Variants in ALDH1A3 observed in about 807,000 individuals in gnomAD.
ALDH1A3 encodes retinaldehyde dehydrogenase 3.
A neutral mutation model predicts 57.5 loss-of-function variants in ALDH1A3; 28 were observed. The observed-to-expected ratio is 0.49, with a 90% CI of 0.36 to 0.67. The LOEUF is 0.67. Ranked by LOEUF, ALDH1A3 falls within the 30% of genes least tolerant of loss-of-function variation. The pLI is 0.00. For missense variants in ALDH1A3, 507 were observed against 669.4 expected (o/e 0.76, Z 2.68); for synonymous variants, 281 against 264.8 (o/e 1.06, Z -0.59).
chr15:100,891,478 A>C lies in ALDH1A3; in HGVS notation c.346-1032A>C, dbSNP rs28490217. Among the ~76,000 whole-genome samples the C allele has an allele frequency of 1.5e-3, 230 of 152,356 alleles. 1 individual carries two copies. Among genetic ancestry groups the C allele is most frequent in the African/African-American group, 5.2e-3 (215 of 41,590 alleles). ...GCCAGTCGCTGTGCTGGCCAGAAGT[A>C]GATGCCCCCAATTCAGCTGCTGCAT... is the stretch of plus-strand genomic sequence containing the variant. On this transcript the variant is annotated intron_variant, in intron 3 of 12. Transcript: ENST00000329841.
In ALDH1A3 at chr15:100,905,787, T is replaced by G. The variant is rs894985893; in HGVS notation, c.1233+100T>G. 5 of 1,261,278 alleles carry G rather than the reference T, an allele frequency of 4.0e-6. No homozygotes were observed. In the Admixed American group the frequency reaches 8.4e-5, roughly 21 times the overall value. The allele number at this position is 1,261,278 out of a possible 1,614,324, so 78.1% of individuals were successfully genotyped here. ...CCCAGAAATCCTTGTGATCTGAGTG[T>G]TTTTTTGTTTTTGTTGCTGTTGTTG... On this transcript the variant is annotated intron_variant, in intron 10 of 12. Coordinates refer to ENST00000329841, the MANE Select transcript of ALDH1A3 (RefSeq NM_000693.4).
At position 100,892,981 on chromosome 15, in the gene ALDH1A3, T is replaced by C. The variant is rs763866352; in HGVS notation, c.512T>C (p.Ile171Thr). 1.9e-6 allele frequency: 3 copies of C among 1,614,030 alleles called. No individual in the cohort carries two copies. Among genetic ancestry groups the C allele is most frequent in the East Asian group, 2.2e-5 (1 of 44,898 alleles). Residue 171 changes from isoleucine to threonine, a missense_variant, in exon 5 of 13, where the codon ATT becomes ACT. Coordinates refer to ENST00000329841, the MANE Select transcript of ALDH1A3 (RefSeq NM_000693.4). ...GTGTGCTTCACCAGGCATGAGCCCA[T>C]TGGTGTCTGTGGGGCCATCACTCCA... ...NVVCFTRHEP[I>T]GVCGAITPWN...
At chr15:100,885,147 A>G in intron 1 of ALDH1A3, 120 bp from the exon 2 acceptor site, 1 of 699,432 alleles carries the variant, frequency 1.4e-6, no homozygotes, top group Non-Finnish European at 2.5e-6. Flanking sequence ...CGAAGGGGAG[A>G]GGGAAGCAGC....
At chr15:100,907,983 G>A (rs2041842505) in intron 11 of ALDH1A3, among the ~76,000 whole-genome samples, 2 of 151,092 alleles carry the variant, frequency 1.3e-5, no homozygotes, top group South Asian at 4.2e-4. Flanking sequence ...CCAGTAGCTG[G>A]GACTACAGGT....
At chr15:100,892,805 A>T in intron 4 of ALDH1A3, 140 bp from the exon 5 acceptor site, 1 of 1,316,466 alleles carries the variant, frequency 7.6e-7, no homozygotes, top group Admixed American at 2.4e-5. Context: ...TTTAAAGTTG[A>T]GGTCAAATCA....
intron 1 of ALDH1A3, among the ~76,000 whole-genome samples, chr15:100,884,260 C>T (rs185407534): frequency 1.2e-4 from 18 of 152,298 alleles, no homozygotes; most frequent in Admixed American, 7.2e-4. Flanking sequence ...TCCAAAAGCC[C>T]TCTCTTTTAA....
intron 1 of ALDH1A3, chr15:100,880,515 G>A: frequency 3.4e-6 from 1 of 293,150 alleles, no homozygotes; most frequent in Non-Finnish European, 6.3e-6. Context: ...GGTCCTCCGA[G>A]CAAAGCGCAG....
intron 12 of ALDH1A3, among the ~76,000 whole-genome samples, chr15:100,912,255 G>A (rs1006415410): frequency 2.0e-5 from 3 of 152,256 alleles, no homozygotes; most frequent in Admixed American, 1.3e-4. Flanking sequence ...TGAAAAATGG[G>A]CTCACCACTG....
At chr15:100,905,730 C>T (rs1180247629) in intron 10 of ALDH1A3, 43 bp downstream of exon 10, 4 of 1,492,452 alleles carry the variant, frequency 2.7e-6, no homozygotes, top group Non-Finnish European at 3.6e-6. Flanking sequence ...CGGGGCCTTT[C>T]AAACACGAGT....
chr15:100,890,115 A>G (rs2041635309), intron 3 of ALDH1A3, among the ~76,000 whole-genome samples: 1 of 151,836 alleles, frequency 6.6e-6, no homozygotes, highest in African/African-American at 2.4e-5. Context: ...TCATTTTGGG[A>G]GCTCCCAAAC....
At chr15:100,880,508 C>A (rs566827976) in intron 1 of ALDH1A3, 54 of 302,754 alleles carry the variant, frequency 1.8e-4, no homozygotes, top group Non-Finnish European at 2.4e-4. Context: ...GGAAGCGGGT[C>A]CTCCGAGCAA....
intron 2 of ALDH1A3, among the ~76,000 whole-genome samples, chr15:100,886,624 A>G (rs2041597184): frequency 6.6e-6 from 1 of 152,182 alleles, no homozygotes; most frequent in Non-Finnish European, 1.5e-5. Flanking sequence ...GTACCTTCCT[A>G]GAAAGAGAGA....
intron 12 of ALDH1A3, among the ~76,000 whole-genome samples, chr15:100,912,034 G>A (rs1392850633): frequency 6.6e-6 from 1 of 152,154 alleles, no homozygotes; most frequent in African/African-American, 2.4e-5. Flanking sequence ...AAATGAAATG[G>A]GAGCAAGCTA....
rs1039557539 is a variant in ALDH1A3, at chr15:100,894,082, G to A, written c.666G>A (p.Glu222=). 1 of 1,613,658 alleles carries A rather than the reference G, an allele frequency of 6.2e-7. No individual in the cohort carries two copies. ...TTTATCTCGGCTCTCTGATCAAAGA[G>A]GTGAGACATCCAAAAAGAAAATATC... ...TALYLGSLIK[E]AGFPPGVVNI... is the part of the protein sequence containing the mutation. Residue 222 remains glutamate (E), a splice_region_variant and synonymous_variant, in exon 6 of 13, where the codon GAG becomes GAA. Transcript: ENST00000329841. The surrounding 1 kb of genome is among the most constrained non-coding windows in gnomAD (Gnocchi z 4.5).
intron 3 of ALDH1A3, chr15:100,888,759 A>G (rs2041621009): frequency 6.6e-6 from 1 of 152,250 alleles, no homozygotes; most frequent in Non-Finnish European, 1.5e-5. Flanking sequence ...AATGTCACCG[A>G]TAATGATAAC....
intron 12 of ALDH1A3, among the ~76,000 whole-genome samples, chr15:100,909,371 A>G (rs2041859731): frequency 6.9e-6 from 1 of 144,096 alleles, no homozygotes; most frequent in Non-Finnish European, 1.5e-5. Flanking sequence ...GTGCATGTAA[A>G]CCCACTGCAA....
chr15:100,885,543 A>G (rs1214354026), intron 2 of ALDH1A3, among the ~76,000 whole-genome samples, 172 bp downstream of exon 2: 1 of 152,152 alleles, frequency 6.6e-6, no homozygotes, highest in Non-Finnish European at 1.5e-5. Flanking sequence ...AATGGCATCA[A>G]TTACCGATGA....
intron 7 of ALDH1A3, 108 bp from the exon 8 acceptor site, chr15:100,897,975 G>A (rs1432099542): frequency 1.0e-6 from 1 of 1,003,626 alleles, no homozygotes; most frequent in Non-Finnish European, 1.5e-6. Context: ...CCGAGAGCCA[G>A]GTGGTGGCAC....
Position 100,887,548 on chromosome 15 carries a change from C to A in ALDH1A3, c.205-24C>A. 2 of 1,535,738 alleles carry A rather than the reference C, an allele frequency of 1.3e-6. No individual in the cohort carries two copies. The highest frequency in any genetic ancestry group is 1.8e-6 in the Non-Finnish European group (2 of 1,136,856). ...CAGTCACGTCAAAAGATGACAGTCTCTCTCTGTTGTTCTGGTCGCTCAGCC... is the reference window on the plus strand; with the variant it reads ...CAGTCACGTCAAAAGATGACAGTCTATCTCTGTTGTTCTGGTCGCTCAGCC... On this transcript the variant is annotated intron_variant, in intron 2 of 12. Transcript: ENST00000329841. The surrounding 1 kb of genome is among the most constrained non-coding windows in gnomAD (Gnocchi z 4.6).
Sources: allele counts gnomAD v4.1 joint callset (sites outside exome capture counted in the v4.1 genomes callset), GRCh38; gene constraint gnomAD v4.1.1; non-coding constraint Gnocchi (gnomAD v3.1); transcripts MANE v1.5; gene names NCBI Gene and HGNC (gene_info 2026-07-23, HGNC 2026-07-21).